TBC1D12: variants seen among roughly 807,000 people sequenced by gnomAD.
The protein encoded by TBC1D12 is TBC1 domain family, member 12.
Under a neutral mutation model 86.7 loss-of-function variants are expected in TBC1D12, and 56 were observed. The observed-to-expected ratio is 0.65, with a 90% CI of 0.52 to 0.81. The LOEUF (loss-of-function observed/expected upper bound fraction) is 0.81, where lower values mean the gene tolerates loss of function less well. TBC1D12 is among the 30% of genes least tolerant of loss of function. The pLI is 0.00. For synonymous variants in TBC1D12, 421 were observed against 411.7 expected (o/e 1.02, Z -0.27); for missense variants, 1,023 against 1,038.8 (o/e 0.98, Z 0.21).
rs922230123 is a variant in TBC1D12 at position 94,467,389 on chromosome 10, C to T, written c.1096-7279C>T. Among the ~76,000 whole-genome samples the T allele has an allele frequency of 7.6e-4, 116 of 151,930 alleles. 1 individual carries two copies. Among genetic ancestry groups the T allele is most frequent in the Admixed American group, 2.6e-4 (4 of 15,242 alleles). On this transcript the variant is annotated intron_variant, in intron 2 of 12. Transcript: ENST00000225235. Reference sequence around the variant, plus strand: ...CTGGGATTACAGGCATGCACCACCACGCCCGGCTAATTTTTGTATTTTTAG... The same window carrying T: ...CTGGGATTACAGGCATGCACCACCATGCCCGGCTAATTTTTGTATTTTTAG...
chr10:94,464,640 A>T (rs951981651), intron 2 of TBC1D12, among the ~76,000 whole-genome samples: 7 of 151,890 alleles, frequency 4.6e-5, no homozygotes, highest in Non-Finnish European at 7.4e-5. Flanking sequence ...TAATTTTAAA[A>T]TTTTTTTTAT....
intron 1 of TBC1D12, among the ~76,000 whole-genome samples, chr10:94,416,097 A>G (rs1386448867): frequency 6.6e-6 from 1 of 152,036 alleles, no homozygotes; most frequent in East Asian, 1.9e-4. Context: ...TAATAGAAAC[A>G]TAACACTATG....
At chr10:94,458,753 G>T (rs1422165917) in intron 2 of TBC1D12, among the ~76,000 whole-genome samples, 1 of 152,124 alleles carries the variant, frequency 6.6e-6, no homozygotes, top group Non-Finnish European at 1.5e-5. Context: ...CTTAAAGGTG[G>T]TGCGTCTGGA....
intron 9 of TBC1D12, among the ~76,000 whole-genome samples, chr10:94,519,870 C>G (rs1842094022): frequency 6.6e-6 from 1 of 152,138 alleles, no homozygotes; most frequent in East Asian, 1.9e-4. Flanking sequence ...GATAAGCTCC[C>G]TATCTCAAGA....
intron 6 of TBC1D12, chr10:94,501,587 G>GCC (rs1449162844): frequency 1.3e-5 from 2 of 150,850 alleles, no homozygotes; most frequent in African/African-American, 4.9e-5. Context: ...TCGCTCTGTT[G>GCC]CTGTGCTGGA....
intron 11 of TBC1D12, among the ~76,000 whole-genome samples, chr10:94,523,192 CAAAAAAAAAAAAAA>C (rs33935088): frequency 4.5e-5 from 2 of 44,110 alleles, no homozygotes; most frequent in Admixed American, 3.2e-4. Context: ...AACTCTATCT[CAAAAAAAAAAAAAA>C]AAAAAAAAAA....
intron 1 of TBC1D12, among the ~76,000 whole-genome samples, chr10:94,431,246 C>A (rs2055210951): frequency 6.6e-6 from 1 of 151,866 alleles, no homozygotes; most frequent in African/African-American, 2.4e-5. Flanking sequence ...GAAACCGTGT[C>A]TCTACTAAAA....
intron 2 of TBC1D12, among the ~76,000 whole-genome samples, chr10:94,460,631 T>A (rs2055713106): frequency 6.6e-6 from 1 of 151,978 alleles, no homozygotes; most frequent in African/African-American, 2.4e-5. Flanking sequence ...GATCTTTGAT[T>A]TGGTGTTGAC....
intron 1 of TBC1D12, among the ~76,000 whole-genome samples, chr10:94,438,816 T>G (rs1321627605): frequency 1.3e-5 from 2 of 152,066 alleles, no homozygotes; most frequent in African/African-American, 4.8e-5. Flanking sequence ...AACTCTTACT[T>G]TTTTTGAGAC....
chr10:94,504,281 C>T (rs1051859202), intron 6 of TBC1D12, among the ~76,000 whole-genome samples: 2 of 152,136 alleles, frequency 1.3e-5, no homozygotes, highest in African/African-American at 4.8e-5. Context: ...ATAACTTAGA[C>T]ATTAAAATAT....
intron 2 of TBC1D12, among the ~76,000 whole-genome samples, chr10:94,449,549 G>T (rs79855580): frequency 0.014 from 2,127 of 152,258 alleles, 51 homozygotes; most frequent in East Asian, 0.06. Flanking sequence ...TCTATCTTGG[G>T]CAGACATGGT....
At chr10:94,407,073 T>C (rs1182835748) in intron 1 of TBC1D12, among the ~76,000 whole-genome samples, 1 of 152,208 alleles carries the variant, frequency 6.6e-6, no homozygotes, top group Non-Finnish European at 1.5e-5. Context: ...AACAGTTTTA[T>C]GTTTACTTAA....
At chr10:94,444,185 A>G (rs1007133606) in intron 2 of TBC1D12, among the ~76,000 whole-genome samples, 7 of 151,748 alleles carry the variant, frequency 4.6e-5, no homozygotes, top group African/African-American at 1.7e-4. Flanking sequence ...AAAAAAAAAA[A>G]AAGAATGAAA....
chr10:94,514,039 C>A lies in TBC1D12; in HGVS notation c.1761+2385C>A, dbSNP rs1242782607. Among the ~76,000 whole-genome samples the A allele has an allele frequency of 2.4e-3, 236 of 98,098 alleles. 1 individual carries two copies. Among genetic ancestry groups the A allele is most frequent in the African/African-American group, 8.0e-3 (211 of 26,452 alleles). The allele number at this position is 98,098 out of a possible 152,430, so 64.4% of individuals were successfully genotyped here. The stretch of plus-strand genomic sequence containing the variant: ...ATTTGCCATGTTGTGTAATAAATCT[C>A]AAAAAAAAAACAAAAAAAAAAAAAC... On this transcript the variant is annotated intron_variant, in intron 9 of 12. Coordinates refer to ENST00000225235, the MANE Select transcript of TBC1D12 (RefSeq NM_015188.2).
chr10:94,422,724 T>G (rs1170524079), intron 1 of TBC1D12, among the ~76,000 whole-genome samples: 1 of 151,996 alleles, frequency 6.6e-6, no homozygotes, highest in Non-Finnish European at 1.5e-5. Flanking sequence ...ACAGGTACCG[T>G]GCTTGGCTAT....
intron 2 of TBC1D12, among the ~76,000 whole-genome samples, chr10:94,473,021 G>C: frequency 6.6e-6 from 1 of 152,166 alleles, no homozygotes; most frequent in South Asian, 2.1e-4. Context: ...CAAATAAGTT[G>C]TTTTTTAAAA....
intron 5 of TBC1D12, among the ~76,000 whole-genome samples, chr10:94,499,610 A>C (rs569981302): frequency 6.6e-6 from 1 of 152,354 alleles, no homozygotes; most frequent in South Asian, 2.1e-4. Context: ...AATTTGTTGA[A>C]TATTGGCACA....
At chr10:94,437,089 A>T (rs1589614577) in intron 1 of TBC1D12, among the ~76,000 whole-genome samples, 1 of 151,858 alleles carries the variant, frequency 6.6e-6, no homozygotes, top group East Asian at 1.9e-4. Flanking sequence ...ACCTTTAAAT[A>T]TGTAATCTTA....
intron 1 of TBC1D12, among the ~76,000 whole-genome samples, chr10:94,430,353 A>C (rs151322777): frequency 3.2e-4 from 49 of 152,334 alleles, no homozygotes; most frequent in Non-Finnish European, 4.7e-4. Flanking sequence ...TTAGGTAGTC[A>C]CAATTTTCTA....
Sources: allele counts gnomAD v4.1 joint callset (sites outside exome capture counted in the v4.1 genomes callset), GRCh38; gene constraint gnomAD v4.1.1; transcripts MANE v1.5; gene names NCBI Gene and HGNC (gene_info 2026-07-23, HGNC 2026-07-21).